The following PCDHA2 variants were observed in gnomAD, a reference collection of about 807,000 sequenced individuals.
PCDHA2 encodes protocadherin alpha 2.
PCDHA2 carries 58 observed loss-of-function variants against 66.0 expected under a neutral mutation model. The ratio of observed to expected loss-of-function variants is 0.88; its 90% CI spans 0.71 to 1.09. PCDHA2 has a LOEUF of 1.09. PCDHA2 is among the 50% of genes least tolerant of loss of function. The pLI is 0.00. For missense variants in PCDHA2, 1,267 were observed against 1,242.3 expected, an observed-to-expected ratio of 1.02 and a Z score of -0.30; for synonymous variants, 634 against 554.0, an observed-to-expected ratio of 1.14 and a Z score of -2.03.
intron 1 of PCDHA2, among the ~76,000 whole-genome samples, chr5:140,900,796 A>G (rs1269266602): frequency 1.3e-5 from 2 of 152,188 alleles, no homozygotes; most frequent in Admixed American, 6.5e-5. Flanking sequence ...ACTGTTCTCC[A>G]TAGTGCTTGT....
intron 1 of PCDHA2, chr5:140,829,756 G>T (rs1251312679): frequency 1.9e-5 from 31 of 1,613,620 alleles, no homozygotes; most frequent in Non-Finnish European, 2.5e-5. Context: ...AGGTGTTCGT[G>T]CTGGACGAGA....
chr5:140,823,495 G>A, intron 1 of PCDHA2: 2 of 1,613,338 alleles, frequency 1.2e-6, no homozygotes. Flanking sequence ...TGGCACCGGC[G>A]GCGCAGTGAG....
At chr5:140,928,810 G>T (rs143843461) in intron 1 of PCDHA2, 1 of 1,614,106 alleles carries the variant, frequency 6.2e-7, no homozygotes. Context: ...AGTGGTTCGG[G>T]ACCATGGAGA....
chr5:140,968,918 A>G, intron 1 of PCDHA2: 1 of 1,614,164 alleles, frequency 6.2e-7, no homozygotes, highest in Non-Finnish European at 8.5e-7. Context: ...AGTGTCTTTT[A>G]TATTTCTTTT....
intron 1 of PCDHA2, chr5:140,822,342 C>T (rs1767281192): frequency 6.2e-7 from 1 of 1,613,952 alleles, no homozygotes; most frequent in Admixed American, 1.7e-5. Context: ...AAGAAACGAA[C>T]TTTTTAGAGC....
At chr5:140,998,591 T>A (rs2097823979) in intron 3 of PCDHA2, among the ~76,000 whole-genome samples, 1 of 150,884 alleles carries the variant, frequency 6.6e-6, no homozygotes, top group Non-Finnish European at 1.5e-5. Context: ...TGAGACAGAG[T>A]TTTGCTCTTG....
At chr5:140,939,768 G>A (rs1241071492) in intron 1 of PCDHA2, among the ~76,000 whole-genome samples, 1 of 152,162 alleles carries the variant, frequency 6.6e-6, no homozygotes, top group Non-Finnish European at 1.5e-5. Context: ...TAGTATTTCA[G>A]GGTGTGAATG....
At chr5:140,911,607 T>C (rs1309017145) in intron 1 of PCDHA2, among the ~76,000 whole-genome samples, 1 of 152,222 alleles carries the variant, frequency 6.6e-6, no homozygotes, top group African/African-American at 2.4e-5. Context: ...CTTCATTATG[T>C]TCCTTAGTTC....
intron 1 of PCDHA2, among the ~76,000 whole-genome samples, chr5:140,977,549 A>G (rs2096765562): frequency 6.6e-6 from 1 of 152,210 alleles, no homozygotes; most frequent in African/African-American, 2.4e-5. Flanking sequence ...TTGCATATGC[A>G]TATCTTGCTA....
intron 1 of PCDHA2, among the ~76,000 whole-genome samples, chr5:140,938,308 T>C (rs1468853140): frequency 6.6e-6 from 1 of 152,212 alleles, no homozygotes; most frequent in Admixed American, 6.5e-5. Context: ...AAATTCAGTA[T>C]AAAATTGAAT....
intron 1 of PCDHA2, chr5:140,815,429 A>C (rs1414322754): frequency 6.6e-6 from 1 of 152,162 alleles, no homozygotes; most frequent in Non-Finnish European, 1.5e-5. Context: ...TTAAACTGAT[A>C]GCATCTTTAC....
At chr5:140,841,238 G>A in intron 1 of PCDHA2, 8 of 1,482,530 alleles carry the variant, frequency 5.4e-6, no homozygotes, top group Non-Finnish European at 7.2e-6. Flanking sequence ...GAGATGCAGC[G>A]GAATTGGATT....
At chr5:140,822,147 C>T in intron 1 of PCDHA2, 1 of 1,614,252 alleles carries the variant, frequency 6.2e-7, no homozygotes, top group Non-Finnish European at 8.5e-7. Flanking sequence ...CAGTGAAGGA[C>T]ATCAATGACA....
At chr5:140,869,631 G>A in intron 1 of PCDHA2, 1 of 1,613,652 alleles carries the variant, frequency 6.2e-7, no homozygotes, top group Non-Finnish European at 8.5e-7. Context: ...GTAAAAATGA[G>A]TATTTTTCTT....
intron 1 of PCDHA2, chr5:140,870,169 C>T: frequency 6.2e-7 from 1 of 1,614,140 alleles, no homozygotes; most frequent in Non-Finnish European, 8.5e-7. Flanking sequence ...TTCCTTGTCC[C>T]TCCCAGTACG....
rs184672024 is a variant in PCDHA2, at chr5:140,889,762, T to C, written c.2389-89187T>C. Among the ~76,000 whole-genome samples, 15 of 152,308 alleles carry C rather than the reference T, an allele frequency of 9.8e-5. No homozygotes were observed. The East Asian group carries it at 2.9e-3, about 29-fold the overall frequency. The stretch of plus-strand genomic sequence containing the variant: ...GAGTCTAATTTTTCTTTCCTTGAAC[T>C]TTGACTGGTCTTAATATTGGAAGTA... On this transcript the variant is annotated intron_variant, in intron 1 of 3. Coordinates refer to ENST00000526136, the MANE Select transcript of PCDHA2 (RefSeq NM_018905.3).
intron 1 of PCDHA2, among the ~76,000 whole-genome samples, chr5:140,950,403 A>C (rs2094477208): frequency 6.6e-6 from 1 of 151,818 alleles, no homozygotes; most frequent in Admixed American, 6.6e-5. Flanking sequence ...ATTCTGGGGG[A>C]TTGACAGATT....
chr5:140,808,173 C>A, intron 1 of PCDHA2: 1 of 1,614,268 alleles, frequency 6.2e-7, no homozygotes, highest in Non-Finnish European at 8.5e-7. Flanking sequence ...GGACAGCTCC[C>A]ACTTTCTGGC....
chr5:140,828,200 G>A (rs2150152362), intron 1 of PCDHA2: 44 of 1,614,052 alleles, frequency 2.7e-5, no homozygotes, highest in Non-Finnish European at 3.6e-5. Context: ...CTCCGTACCC[G>A]AGGAGGCCAA....
Sources: allele counts gnomAD v4.1 joint callset (sites outside exome capture counted in the v4.1 genomes callset), GRCh38; gene constraint gnomAD v4.1.1; transcripts MANE v1.5; gene names NCBI Gene and HGNC (gene_info 2026-07-23, HGNC 2026-07-21).